Variants in CAB39L observed in about 807,000 individuals in gnomAD.
CAB39L encodes calcium binding protein 39 like, also known as calcium-binding protein 39-like.
CAB39L carries 23 observed loss-of-function variants against 39.1 expected under a neutral mutation model. The ratio of observed to expected loss-of-function variants is 0.59; its 90% confidence interval spans 0.42 to 0.83. The LOEUF (loss-of-function observed/expected upper bound fraction) is 0.83, where lower values mean the gene tolerates loss of function less well. CAB39L is among the 40% of genes least tolerant of loss of function. The pLI is 0.00. For missense variants in CAB39L, 366 were observed against 391.9 expected (o/e 0.93, Z 0.56); for synonymous variants, 126 against 137.2 (o/e 0.92, Z 0.57).
chr13:49,309,347 A>G lies in CAB39L; in HGVS notation c.*1467T>C, dbSNP rs868137418. On this transcript the variant is annotated 3_prime_UTR_variant, in exon 11 of 11. Transcript: ENST00000409308. ...GCCAAGGGTGGTGCCCTGCCAGGTA[A>G]CTCTTCAGGTACAAAATCTACAAAG... 39 of 152,238 alleles carry G rather than the reference A, an allele frequency of 2.6e-4. No individual in the cohort carries two copies. Among genetic ancestry groups the G allele is most frequent in the African/African-American group, 8.7e-4 (36 of 41,450 alleles). The allele number at this position is 152,238 out of a possible 1,614,324, so 9.4% of individuals were successfully genotyped here. A position where few individuals can be genotyped will look rare whatever the true frequency, so the allele number is the denominator to read the frequency against.
chr13:49,351,295 T>TGTGTGA (rs1555255265), intron 6 of CAB39L, among the ~76,000 whole-genome samples: 1 of 150,390 alleles, frequency 6.6e-6, no homozygotes, highest in Non-Finnish European at 1.5e-5. Flanking sequence ...TGTGTGTGTG[T>TGTGTGA]GTGAGTGACT....
At chr13:49,350,989 T>C in intron 6 of CAB39L, 77 bp from the exon 7 acceptor site, 1 of 1,061,352 alleles carries the variant, frequency 9.4e-7, no homozygotes. Flanking sequence ...AAAGAACCAT[T>C]TCAATACTGC....
intron 5 of CAB39L, among the ~76,000 whole-genome samples, chr13:49,369,968 T>C (rs1955873431): frequency 6.6e-6 from 1 of 152,186 alleles, no homozygotes; most frequent in African/African-American, 2.4e-5. Context: ...TGTTACTATT[T>C]ATAAATTGTA....
chr13:49,390,191 C>T (rs1468344816), intron 3 of CAB39L, among the ~76,000 whole-genome samples: 1 of 152,134 alleles, frequency 6.6e-6, no homozygotes, highest in Non-Finnish European at 1.5e-5. Context: ...CTGACCCATA[C>T]TAGCTTTTTA....
At chr13:49,339,894 C>T in intron 8 of CAB39L, 152 bp from the exon 9 acceptor site, 2 of 950,354 alleles carry the variant, frequency 2.1e-6, no homozygotes, top group Non-Finnish European at 2.8e-6. Context: ...ACAGGGAGGT[C>T]AAGAATTACA....
chr13:49,375,963 A>T (rs1035100297), intron 5 of CAB39L, among the ~76,000 whole-genome samples: 4 of 152,208 alleles, frequency 2.6e-5, no homozygotes, highest in Non-Finnish European at 5.9e-5. Context: ...TTCTAGCCAC[A>T]ACTGGACTGC....
At chr13:49,401,222 G>A (rs1956762543) in intron 3 of CAB39L, 1 of 152,252 alleles carries the variant, frequency 6.6e-6, no homozygotes, top group Admixed American at 6.5e-5. Context: ...TGAGCTCAAA[G>A]CACTTTAGAT....
At chr13:49,390,666 A>G (rs1481512417) in intron 3 of CAB39L, among the ~76,000 whole-genome samples, 1 of 152,232 alleles carries the variant, frequency 6.6e-6, no homozygotes, top group Non-Finnish European at 1.5e-5. Context: ...GCTGCTATGA[A>G]AAAGAAGTAA....
intron 7 of CAB39L, among the ~76,000 whole-genome samples, chr13:49,348,016 T>G (rs1955231851): frequency 6.6e-6 from 1 of 152,078 alleles, no homozygotes; most frequent in Non-Finnish European, 1.5e-5. Context: ...TACCCAGACC[T>G]CCCCTGTGGG....
chr13:49,403,752 C>T (rs1956820860), intron 3 of CAB39L, among the ~76,000 whole-genome samples: 1 of 151,798 alleles, frequency 6.6e-6, no homozygotes, highest in African/African-American at 2.4e-5. Context: ...ATAAGGCCAA[C>T]TAAGATCTTT....
intron 3 of CAB39L, among the ~76,000 whole-genome samples, chr13:49,422,673 T>C (rs369104862): frequency 7.9e-5 from 12 of 151,874 alleles, no homozygotes; most frequent in African/African-American, 2.9e-4. Flanking sequence ...GGTCTCAAAC[T>C]CCCAGGTTCA....
chr13:49,403,645 GAT>G (rs989008351), intron 3 of CAB39L, among the ~76,000 whole-genome samples: 36 of 152,022 alleles, frequency 2.4e-4, no homozygotes, highest in African/African-American at 8.5e-4. Flanking sequence ...ATATAAAAAA[GAT>G]CTACATCAGA....
intron 9 of CAB39L, among the ~76,000 whole-genome samples, chr13:49,338,587 C>A (rs1025301337): frequency 6.6e-6 from 1 of 151,512 alleles, no homozygotes; most frequent in Non-Finnish European, 1.5e-5. Flanking sequence ...AACAGCATGG[C>A]ACGTGTATAC....
At chr13:49,323,603 C>A (rs7335286) in intron 10 of CAB39L, among the ~76,000 whole-genome samples, 114,361 of 152,042 alleles carry the variant, frequency 0.75, 43,236 homozygotes, top group East Asian at 0.9. Flanking sequence ...ACATAGATTC[C>A]AGACCTACAC....
At chr13:49,431,696 G>A (rs1957328200) in intron 3 of CAB39L, among the ~76,000 whole-genome samples, 1 of 151,476 alleles carries the variant, frequency 6.6e-6, no homozygotes, top group African/African-American at 2.4e-5. Context: ...AACAGAGTGA[G>A]ACTCTGTCTT....
chr13:49,426,854 T>C (rs1957253123), intron 3 of CAB39L, among the ~76,000 whole-genome samples: 1 of 152,208 alleles, frequency 6.6e-6, no homozygotes, highest in Admixed American at 6.5e-5. Context: ...TCTCTCTTGT[T>C]CATCTGTTTT....
At chr13:49,428,894 A>G (rs970381274) in intron 3 of CAB39L, among the ~76,000 whole-genome samples, 4 of 152,232 alleles carry the variant, frequency 2.6e-5, no homozygotes, top group Non-Finnish European at 5.9e-5. Flanking sequence ...AAACAAGTCA[A>G]TGATTACAAT....
chr13:49,443,756 TCAC>T (rs985297843), intron 1 of CAB39L, among the ~76,000 whole-genome samples: 4 of 151,504 alleles, frequency 2.6e-5, no homozygotes, highest in South Asian at 2.1e-4. Flanking sequence ...ACCACAACCA[TCAC>T]CACCACCACC....
At chr13:49,400,402 AAG>A (rs1222469492) in intron 3 of CAB39L, among the ~76,000 whole-genome samples, 7 of 151,684 alleles carry the variant, frequency 4.6e-5, no homozygotes, top group African/African-American at 1.5e-4. Context: ...AGATATTTTT[AAG>A]AGTTTATTTT....
Sources: gnomAD v4.1 joint callset for allele counts (sites outside exome capture counted in the v4.1 genomes callset) on GRCh38, gnomAD v4.1.1 for gene constraint, MANE v1.5 for transcripts, NCBI Gene and HGNC (gene_info 2026-07-23, HGNC 2026-07-21) for gene names.